SH3BGRL2: variants seen among roughly 807,000 people sequenced by gnomAD.
The protein encoded by SH3BGRL2 is SH3 domain-binding glutamic acid-rich-like protein 2.
In SH3BGRL2, 21 loss-of-function variants were observed where a neutral mutation model predicts 14.8. The ratio of observed to expected loss-of-function variants is 1.42; its 90% confidence interval spans 1.01 to 2.05. SH3BGRL2 has a LOEUF of 2.05. Among genes scored for constraint, SH3BGRL2 ranks in the 30% most tolerant of loss-of-function variants. SH3BGRL2 has a pLI of 0.00. For missense variants in SH3BGRL2, 147 were observed against 130.8 expected (o/e 1.12, Z -0.61); for synonymous variants, 50 against 47.8 (o/e 1.05, Z -0.19).
the SH3BGRL2 span, among the ~76,000 whole-genome samples, chr6:79,541,889 C>A: frequency 6.6e-6 from 1 of 152,186 alleles, no homozygotes; most frequent in Non-Finnish European, 1.5e-5. Context: ...TTAAGAAAAA[C>A]TCTTGTAATT....
At chr6:79,573,212 A>G in the SH3BGRL2 span, among the ~76,000 whole-genome samples, 3 of 151,970 alleles carry the variant, frequency 2.0e-5, no homozygotes, top group African/African-American at 4.8e-5. Context: ...TTCCCTCTGT[A>G]TAGATACCCA....
chr6:79,578,059 G>A, the SH3BGRL2 span, among the ~76,000 whole-genome samples: 16,240 of 152,320 alleles, frequency 0.11, 977 homozygotes, highest in Non-Finnish European at 0.13. Context: ...GCGGCAGCCT[G>A]GCTGGGAGAG....
the SH3BGRL2 span, among the ~76,000 whole-genome samples, chr6:79,559,444 G>T: frequency 6.6e-6 from 1 of 152,094 alleles, no homozygotes; most frequent in Non-Finnish European, 1.5e-5. Flanking sequence ...ATCTAATAAT[G>T]AGTAAACATT....
chr6:79,607,644 G>T, the SH3BGRL2 span, among the ~76,000 whole-genome samples: 1 of 152,034 alleles, frequency 6.6e-6, no homozygotes, highest in Non-Finnish European at 1.5e-5. Flanking sequence ...TTGAGACTGG[G>T]TAATTTATAA....
the SH3BGRL2 span, among the ~76,000 whole-genome samples, chr6:79,623,044 G>A: frequency 8.6e-3 from 1,315 of 152,248 alleles, 16 homozygotes; most frequent in African/African-American, 0.03. Flanking sequence ...GGTAGCTCAC[G>A]CCTGTAATCC....
the SH3BGRL2 span, among the ~76,000 whole-genome samples, chr6:79,587,295 A>G: frequency 6.6e-6 from 1 of 152,184 alleles, no homozygotes. Flanking sequence ...AGAAATAGGA[A>G]GTAGGGGTGT....
At chr6:79,581,953 C>T in the SH3BGRL2 span, among the ~76,000 whole-genome samples, 1 of 152,104 alleles carries the variant, frequency 6.6e-6, no homozygotes, top group Non-Finnish European at 1.5e-5. Context: ...GATACAAAAT[C>T]AATGTGCAAA....
chr6:79,641,485 G>C (rs1769032952), intron 1 of SH3BGRL2, among the ~76,000 whole-genome samples: 1 of 152,166 alleles, frequency 6.6e-6, no homozygotes. Context: ...TTAGAGAACA[G>C]TGTTATGGTT....
chr6:79,610,340 G>A, the SH3BGRL2 span, among the ~76,000 whole-genome samples: 1 of 152,132 alleles, frequency 6.6e-6, no homozygotes, highest in Non-Finnish European at 1.5e-5. Flanking sequence ...ATTGTTTAGA[G>A]TCAAAAGAGT....
At chr6:79,543,126 C>G in the SH3BGRL2 span, among the ~76,000 whole-genome samples, 1 of 152,014 alleles carries the variant, frequency 6.6e-6, no homozygotes, top group Non-Finnish European at 1.5e-5. Context: ...TGTGAACCAC[C>G]CACTTAATTT....
chr6:79,697,901 A>C (rs1201256216), intron 3 of SH3BGRL2, among the ~76,000 whole-genome samples: 3 of 152,100 alleles, frequency 2.0e-5, no homozygotes, highest in Non-Finnish European at 4.4e-5. Context: ...GCTTGTTCCC[A>C]TTTTCCCCAA....
the SH3BGRL2 span, among the ~76,000 whole-genome samples, chr6:79,560,867 C>CTTTTTTTTTTTTT: frequency 4.4e-5 from 2 of 45,744 alleles, no homozygotes; most frequent in Non-Finnish European, 3.8e-5. Flanking sequence ...ACAATACACT[C>CTTTTTTTTTTTTT]TTTTTTTTTT....
the SH3BGRL2 span, among the ~76,000 whole-genome samples, chr6:79,541,747 A>G: frequency 6.6e-6 from 1 of 152,238 alleles, no homozygotes; most frequent in Non-Finnish European, 1.5e-5. Flanking sequence ...GATTCTCCAC[A>G]GGAAAACTGG....
At chr6:79,547,504 G>A in the SH3BGRL2 span, among the ~76,000 whole-genome samples, 1 of 152,086 alleles carries the variant, frequency 6.6e-6, no homozygotes, top group Non-Finnish European at 1.5e-5. Context: ...CTGAACTGGA[G>A]TGAGGCCCGT....
chr6:79,669,177 TAG>T (rs1360596770), intron 1 of SH3BGRL2, among the ~76,000 whole-genome samples: 2 of 152,052 alleles, frequency 1.3e-5, no homozygotes, highest in Admixed American at 1.3e-4. Context: ...ATTGACATTG[TAG>T]AGAGAGAGGT....
chr6:79,548,953 A>C, the SH3BGRL2 span, among the ~76,000 whole-genome samples: 1 of 152,176 alleles, frequency 6.6e-6, no homozygotes, highest in Non-Finnish European at 1.5e-5. Context: ...TTAAGATATA[A>C]ATTAATTAAT....
the SH3BGRL2 span, among the ~76,000 whole-genome samples, chr6:79,617,197 A>G: frequency 1.5e-5 from 1 of 68,502 alleles, no homozygotes; most frequent in Admixed American, 1.9e-4. Context: ...AAACAAAAAA[A>G]AGAAAAAAAA....
chr6:79,679,132 A>T (rs181602198), intron 2 of SH3BGRL2, among the ~76,000 whole-genome samples: 2 of 152,316 alleles, frequency 1.3e-5, no homozygotes, highest in East Asian at 3.9e-4. Flanking sequence ...TTGGGTATAT[A>T]CACAGTAATG....
the SH3BGRL2 span, among the ~76,000 whole-genome samples, chr6:79,566,897 TA>T: frequency 0.8 from 109,213 of 136,832 alleles, 43,190 homozygotes; most frequent in Middle Eastern, 0.86. Context: ...ACTCTGTCTC[TA>T]AAAAAAAAAA....
Sources: gnomAD v4.1 joint callset for allele counts (sites outside exome capture counted in the v4.1 genomes callset) on GRCh38, gnomAD v4.1.1 for gene constraint, MANE v1.5 for transcripts, NCBI Gene and HGNC (gene_info 2026-07-23, HGNC 2026-07-21) for gene names.